The following PTGER3 variants were observed in gnomAD, a reference collection of about 807,000 sequenced individuals.
The protein encoded by PTGER3 is prostaglandin E receptor 3.
A neutral mutation model predicts 34.7 loss-of-function variants in PTGER3; 22 were observed. The observed-to-expected ratio is 0.63, with a 90% confidence interval of 0.45 to 0.91. The LOEUF (loss-of-function observed/expected upper bound fraction) is 0.91. Ranked by LOEUF, PTGER3 falls within the 40% of genes least tolerant of loss-of-function variation. The probability of loss-of-function intolerance (pLI) is 0.00; values close to 1 mark genes in which losing one functional copy is unlikely to be tolerated. For missense variants in PTGER3, 468 were observed against 519.4 expected (o/e 0.90, Z 0.96); for synonymous variants, 241 against 230.1 (o/e 1.05, Z -0.43).
chr1:70,885,875 C>G (rs920672017), intron 4 of PTGER3, among the ~76,000 whole-genome samples: 1 of 152,148 alleles, frequency 6.6e-6, no homozygotes, highest in Non-Finnish European at 1.5e-5. Context: ...GGCAAAGGAG[C>G]TTTCAAAGGG....
intron 4 of PTGER3, among the ~76,000 whole-genome samples, chr1:70,900,333 A>C (rs1356750807): frequency 6.6e-6 from 1 of 151,880 alleles, no homozygotes; most frequent in East Asian, 1.9e-4. Flanking sequence ...TGTTCTTACT[A>C]TGTATACAAT....
chr1:70,977,673 C>T (rs747028502), intron 2 of PTGER3, among the ~76,000 whole-genome samples: 2 of 152,012 alleles, frequency 1.3e-5, no homozygotes, highest in Non-Finnish European at 2.9e-5. Context: ...CAGGTCATCC[C>T]GCTCCCATAG....
At chr1:71,001,121 T>C (rs1457108424) in intron 2 of PTGER3, among the ~76,000 whole-genome samples, 1 of 152,186 alleles carries the variant, frequency 6.6e-6, no homozygotes, top group Non-Finnish European at 1.5e-5. Context: ...GTGGGTTTCA[T>C]GCATGATAAG....
At chr1:71,043,798 A>G (rs1481316227) in intron 1 of PTGER3, among the ~76,000 whole-genome samples, 1 of 150,868 alleles carries the variant, frequency 6.6e-6, no homozygotes, top group Non-Finnish European at 1.5e-5. Flanking sequence ...CTTTTTGAAG[A>G]TATTTGGAGT....
At chr1:70,867,429 A>C (rs2100519368) in intron 4 of PTGER3, among the ~76,000 whole-genome samples, 1 of 152,320 alleles carries the variant, frequency 6.6e-6, no homozygotes, top group Non-Finnish European at 1.5e-5. Flanking sequence ...CTTGCAATTA[A>C]AAATGTCTGG....
chr1:70,965,653 A>T (rs893640763), intron 2 of PTGER3, among the ~76,000 whole-genome samples: 6 of 152,198 alleles, frequency 3.9e-5, no homozygotes, highest in African/African-American at 1.4e-4. Flanking sequence ...ACCATCAAGC[A>T]GCAGCATCTC....
chr1:70,935,083 C>T (rs992841222), intron 4 of PTGER3, among the ~76,000 whole-genome samples: 5 of 152,008 alleles, frequency 3.3e-5, no homozygotes, highest in Admixed American at 1.3e-4. Context: ...GTGAGCCCAC[C>T]AAGATGCCTC....
intron 1 of PTGER3, among the ~76,000 whole-genome samples, chr1:71,017,405 A>G (rs1298760623): frequency 6.6e-6 from 1 of 152,166 alleles, no homozygotes; most frequent in Admixed American, 6.5e-5. Flanking sequence ...TAGCACCTTT[A>G]CTTTAGCCCA....
At chr1:70,915,358 G>C (rs928990078) in intron 4 of PTGER3, among the ~76,000 whole-genome samples, 2 of 151,816 alleles carry the variant, frequency 1.3e-5, no homozygotes, top group African/African-American at 2.4e-5. Flanking sequence ...TTAATGCATG[G>C]AGAGTTTGGA....
intron 1 of PTGER3, among the ~76,000 whole-genome samples, chr1:71,031,416 C>T (rs575205244): frequency 5.9e-5 from 9 of 152,104 alleles, no homozygotes; most frequent in African/African-American, 1.2e-4. Context: ...TCTGGATAAC[C>T]GTTTCTCTGT....
At position 71,008,975 on chromosome 1, in the gene PTGER3, T is replaced by C. The variant is rs905820910; in HGVS notation, c.1077+3330A>G. 32 of 983,330 alleles carry C rather than the reference T, an allele frequency of 3.3e-5. No individual in the cohort carries two copies. The African/African-American group carries it at 5.6e-4, about 17-fold the overall frequency. The allele number at this position is 983,330 out of a possible 1,614,324, so 60.9% of individuals were successfully genotyped here. On this transcript the variant is annotated intron_variant, in intron 2 of 3. Coordinates refer to ENST00000306666, the MANE Select transcript of PTGER3 (RefSeq NM_198719.2). ...AAAATAAATAGATATTATGCATGTC[T>C]AAAATTTCAAAGAACAAAAGTTTTC...
chr1:70,959,603 C>A (rs1012793962), intron 2 of PTGER3, among the ~76,000 whole-genome samples: 3 of 152,074 alleles, frequency 2.0e-5, no homozygotes, highest in African/African-American at 2.4e-5. Flanking sequence ...TCGAATGATC[C>A]GTCTGCCACA....
intron 1 of PTGER3, among the ~76,000 whole-genome samples, chr1:71,014,753 G>C (rs1657744321): frequency 6.6e-6 from 1 of 152,148 alleles, no homozygotes; most frequent in Non-Finnish European, 1.5e-5. Context: ...TTCCTGAATG[G>C]TGAGAAATAA....
chr1:70,888,646 G>C (rs1224982132), intron 4 of PTGER3, among the ~76,000 whole-genome samples: 1 of 151,976 alleles, frequency 6.6e-6, no homozygotes, highest in Non-Finnish European at 1.5e-5. Context: ...CCTTTAACCT[G>C]CTTTCTCCCT....
At chr1:70,952,187 A>G (rs6662043), downstream of PTGER3, among the ~76,000 whole-genome samples, 5,105 of 152,154 alleles carry the variant, frequency 0.034, 128 homozygotes, top group Non-Finnish European at 0.047. Context: ...ATAGTAGAAG[A>G]TATATTTTGA....
intron 1 of PTGER3, among the ~76,000 whole-genome samples, chr1:71,036,716 G>C (rs1180236412): frequency 1.3e-5 from 2 of 151,784 alleles, no homozygotes. Context: ...GTGGGCTCCT[G>C]TAGTCCCAGC....
At position 70,931,572 on chromosome 1, in the gene PTGER3, C is replaced by G. The variant is rs560995981; in HGVS notation, c.*23+22191G>C. On this transcript the variant is annotated intron_variant, in intron 4 of 4. Coordinates refer to the PTGER3 transcript ENST00000370931. ...AATCTAGGTGGAGGTTCTCAAACCT[C>G]AATTCCTGACTTCTGTGCACCTGCA... 7.2e-5 allele frequency among the ~76,000 whole-genome samples: 11 copies of G among 152,314 alleles called. No individual in the cohort carries two copies. The East Asian group carries it at 2.1e-3, about 29-fold the overall frequency.
intron 4 of PTGER3, among the ~76,000 whole-genome samples, chr1:70,890,452 G>A (rs1364375665): frequency 6.6e-6 from 1 of 152,080 alleles, no homozygotes; most frequent in Admixed American, 6.5e-5. Flanking sequence ...AAAAAAAGTG[G>A]ACATCAAAAC....
chr1:70,854,129 C>T (rs891630032), intron 4 of PTGER3, among the ~76,000 whole-genome samples: 1 of 152,006 alleles, frequency 6.6e-6, no homozygotes, highest in African/African-American at 2.4e-5. Context: ...AATGAGAGTA[C>T]ATCAAACTTA....
Sources: gnomAD v4.1 joint callset for allele counts (sites outside exome capture counted in the v4.1 genomes callset) on GRCh38, gnomAD v4.1.1 for gene constraint, MANE v1.5 for transcripts, NCBI Gene and HGNC (gene_info 2026-07-23, HGNC 2026-07-21) for gene names.